CYRIB: variants seen among roughly 807,000 people sequenced by gnomAD.
CYRIB encodes the protein CYFIP related Rac1 interactor B, also known as CYFIP-related Rac1 interactor B.
A neutral mutation model predicts 44.2 loss-of-function variants in CYRIB; 8 were observed. The ratio of observed to expected loss-of-function variants is 0.18; its 90% CI spans 0.11 to 0.33. The LOEUF (loss-of-function observed/expected upper bound fraction) is 0.33. Among genes scored for constraint, CYRIB ranks in the 10% least tolerant of loss-of-function variants. The pLI is 1.00. For synonymous variants in CYRIB, 131 were observed against 127.2 expected (o/e 1.03, Z -0.20); for missense variants, 185 against 382.8 (o/e 0.48, Z 4.31).
Position 129,959,059 on chromosome 8 carries a change from CAAAAAAAAAAAA to C in CYRIB, c.-243+11872_-243+11883del, listed in dbSNP as rs60576774. Among the ~76,000 whole-genome samples the C allele has an allele frequency of 6.1e-4, 42 of 68,362 alleles. 1 individual carries two copies. The highest frequency in any genetic ancestry group is 2.1e-3 in the South Asian group (4 of 1,906). The allele number at this position is 68,362 out of a possible 152,430, so 44.8% of individuals were successfully genotyped here. A position where few individuals can be genotyped will look rare whatever the true frequency, so the allele number is the denominator to read the frequency against. On this transcript the variant is annotated intron_variant, in intron 2 of 14. Transcript: ENST00000401979. ...AGCCTGGGCAACAGAGACTCTGTCT[CAAAAAAAAAAAA>C]AAAAAAAAAAAAACAAAGGCAGGCA...
In CYRIB at chr8:129,930,365, T is replaced by TTATA. The variant is rs1554659983; in HGVS notation, c.-50+9239_-50+9242dup. On this transcript the variant is annotated intron_variant, in intron 1 of 11. Coordinates refer to ENST00000519824, the Ensembl canonical transcript of CYRIB. ...TCAACTAGGAAGAATTGTGAAGTGC[T>TTATA]TATATATATATATATTTTAATTATT... is the stretch of plus-strand genomic sequence containing the variant. Among the ~76,000 whole-genome samples, 28 of 50,412 alleles carry TTATA rather than the reference T, an allele frequency of 5.6e-4. 1 individual carries two copies. The highest frequency in any genetic ancestry group is 1.4e-3 in the African/African-American group (21 of 14,490). 33.1% of individuals were successfully genotyped at this position (50,412 alleles called of 152,430 possible).
intron 1 of CYRIB, among the ~76,000 whole-genome samples, chr8:129,927,762 T>C (rs142765953): frequency 6.6e-6 from 1 of 152,292 alleles, no homozygotes; most frequent in African/African-American, 2.4e-5. Context: ...AAATACAGTA[T>C]GAAAGCTACA....
intron 1 of CYRIB, among the ~76,000 whole-genome samples, chr8:130,001,723 GC>G (rs1357855551): frequency 1.3e-5 from 2 of 151,704 alleles, no homozygotes; most frequent in African/African-American, 4.8e-5. Flanking sequence ...CAAGTGATCT[GC>G]CCGCCTCGAC....
At chr8:129,979,598 A>C (rs1173572927) in intron 1 of CYRIB, among the ~76,000 whole-genome samples, 1 of 152,096 alleles carries the variant, frequency 6.6e-6, no homozygotes, top group Non-Finnish European at 1.5e-5. Flanking sequence ...TTCAAAGATG[A>C]TAAACAGCAG....
At chr8:129,941,272 G>GTTTTTTT (rs551305807), upstream of CYRIB, among the ~76,000 whole-genome samples, 5 of 124,988 alleles carry the variant, frequency 4.0e-5, no homozygotes, top group Admixed American at 8.5e-5. Flanking sequence ...AACTGAAGGA[G>GTTTTTTT]ATTTTTTTTT....
intron 1 of CYRIB, chr8:129,912,572 T>C (rs899549328): frequency 6.6e-6 from 1 of 152,058 alleles, no homozygotes; most frequent in Non-Finnish European, 1.5e-5. Flanking sequence ...ACAGATGCAC[T>C]CTGGGGTTGG....
intron 5 of CYRIB, among the ~76,000 whole-genome samples, chr8:129,860,566 T>C (rs2048838285): frequency 6.6e-6 from 1 of 152,210 alleles, no homozygotes; most frequent in Non-Finnish European, 1.5e-5. Context: ...TCCAAACTAC[T>C]GTCTGTCTTA....
Position 129,923,144 on chromosome 8 carries a change from G to A in CYRIB, c.-50+16464C>T, listed in dbSNP as rs536606557. On this transcript the variant is annotated intron_variant, in intron 1 of 11. Transcript: ENST00000519824. ...TGTAGTCCCAGCTACTTGGGAGGCT[G>A]AGGCAGAAGAATCGCTTGAACCTGG... is the stretch of plus-strand genomic sequence containing the variant. Among the ~76,000 whole-genome samples, 235 of 150,332 alleles carry A rather than the reference G, an allele frequency of 1.6e-3. 1 individual carries two copies. Among genetic ancestry groups the A allele is most frequent in the African/African-American group, 5.6e-3 (229 of 41,120 alleles).
At chr8:129,894,929 A>ATT (rs61102044) in intron 2 of CYRIB, among the ~76,000 whole-genome samples, 49 of 148,090 alleles carry the variant, frequency 3.3e-4, no homozygotes, top group Middle Eastern at 3.5e-3. Context: ...ATATATATAT[A>ATT]TTTTTTTAAT....
At chr8:130,011,804 G>T (rs756886789) in intron 1 of CYRIB, among the ~76,000 whole-genome samples, 3 of 151,906 alleles carry the variant, frequency 2.0e-5, no homozygotes, top group Non-Finnish European at 2.9e-5. Context: ...CTGCACTCCA[G>T]CCTGGGCGAC....
At chr8:129,975,505 TAAA>T (rs1486174247) in intron 1 of CYRIB, among the ~76,000 whole-genome samples, 1 of 152,170 alleles carries the variant, frequency 6.6e-6, no homozygotes, top group Non-Finnish European at 1.5e-5. Flanking sequence ...TCTTAAAAAA[TAAA>T]AAAGACAAAA....
intron 2 of CYRIB, among the ~76,000 whole-genome samples, chr8:129,881,870 C>T (rs565687194): frequency 6.6e-6 from 1 of 152,058 alleles, no homozygotes; most frequent in African/African-American, 2.4e-5. Context: ...TTTAATAATA[C>T]CAAGCTTTTA....
intron 1 of CYRIB, among the ~76,000 whole-genome samples, chr8:130,012,585 C>A (rs1253742664): frequency 3.3e-5 from 5 of 152,106 alleles, no homozygotes; most frequent in Admixed American, 6.6e-5. Flanking sequence ...CTGGGTTGAT[C>A]GTCACAGCAA....
At chr8:129,963,671 A>C (rs2095362977) in intron 2 of CYRIB, among the ~76,000 whole-genome samples, 1 of 152,212 alleles carries the variant, frequency 6.6e-6, no homozygotes, top group Admixed American at 6.5e-5. Flanking sequence ...ACAGTAAACT[A>C]AAACCATTAC....
At chr8:130,011,545 T>C (rs60517999) in intron 1 of CYRIB, among the ~76,000 whole-genome samples, 22,216 of 151,060 alleles carry the variant, frequency 0.15, 1,750 homozygotes, top group African/African-American at 0.18. Flanking sequence ...AGGCTGGGCA[T>C]GGTGGCTCAC....
chr8:129,865,544 T>G (rs1191143814), intron 4 of CYRIB, among the ~76,000 whole-genome samples: 2 of 152,236 alleles, frequency 1.3e-5, no homozygotes, highest in Admixed American at 6.5e-5. Flanking sequence ...GACTCCTGCT[T>G]CTGAGAGAAA....
At chr8:129,885,628 T>C (rs1470601338) in intron 2 of CYRIB, among the ~76,000 whole-genome samples, 1 of 152,112 alleles carries the variant, frequency 6.6e-6, no homozygotes, top group East Asian at 1.9e-4. Flanking sequence ...TTATCACCTC[T>C]GCTCCCAGCT....
At chr8:130,011,160 G>A (rs192847465) in intron 1 of CYRIB, among the ~76,000 whole-genome samples, 303 of 152,198 alleles carry the variant, frequency 2.0e-3, no homozygotes, top group Non-Finnish European at 2.5e-3. Context: ...TGCTCCCCGG[G>A]GGGACTCCTG....
At chr8:129,928,678 A>G (rs372984) in intron 1 of CYRIB, among the ~76,000 whole-genome samples, 22,106 of 151,844 alleles carry the variant, frequency 0.15, 2,066 homozygotes, top group Non-Finnish European at 0.2. Context: ...AAAAAGAAAA[A>G]AGAAAAGAAA....
Sources: gnomAD v4.1 joint callset for allele counts (sites outside exome capture counted in the v4.1 genomes callset) on GRCh38, gnomAD v4.1.1 for gene constraint, MANE v1.5 for transcripts, NCBI Gene and HGNC (gene_info 2026-07-23, HGNC 2026-07-21) for gene names.